The following PVT1 variants were observed in gnomAD, a reference collection of about 807,000 sequenced individuals.
PVT1 encodes Pvt1 oncogene, also known as CXCR4/PVT1 fusion.
intron 2 of PVT1, chr8:127,803,161 T>TGC (rs1409150669): frequency 1.4e-5 from 2 of 143,296 alleles, no homozygotes; most frequent in Non-Finnish European, 3.0e-5. Flanking sequence ...CGGAGTCTCC[T>TGC]TCTGTCGCCC....
intron 2 of PVT1, among the ~76,000 whole-genome samples, chr8:127,861,560 G>GTT (rs11361006): frequency 5.4e-5 from 8 of 149,194 alleles, no homozygotes; most frequent in African/African-American, 2.0e-4. Flanking sequence ...TTTTTGACAT[G>GTT]TTTTTTTTTT....
chr8:127,897,420 G>T (rs577043196), intron 3 of PVT1, among the ~76,000 whole-genome samples: 1 of 152,054 alleles, frequency 6.6e-6, no homozygotes, highest in South Asian at 2.1e-4. Flanking sequence ...AAGGGGCTAT[G>T]TGAGAAGTTT....
chr8:127,912,121 T>A (rs190436309), intron 3 of PVT1, among the ~76,000 whole-genome samples: 30 of 152,326 alleles, frequency 2.0e-4, no homozygotes. Context: ...CCACATGTGA[T>A]AAAGTTCTGT....
At chr8:127,918,343 A>G (rs1816014731) in intron 3 of PVT1, among the ~76,000 whole-genome samples, 1 of 149,086 alleles carries the variant, frequency 6.7e-6, no homozygotes, top group African/African-American at 2.5e-5. Flanking sequence ...GGAGCTTGGT[A>G]TGGCTGGCTA....
chr8:127,888,657 G>A (rs1815556059), intron 2 of PVT1, among the ~76,000 whole-genome samples: 1 of 152,174 alleles, frequency 6.6e-6, no homozygotes, highest in Admixed American at 6.5e-5. Flanking sequence ...TATGGCCACA[G>A]AAGCAGAGTC....
intron 4 of PVT1, among the ~76,000 whole-genome samples, chr8:128,031,333 G>A (rs897582955): frequency 3.3e-5 from 5 of 152,212 alleles, no homozygotes; most frequent in African/African-American, 9.6e-5. Context: ...GAACACAAAA[G>A]CTGCAGAAAG....
At chr8:128,069,112 C>T (rs927192362) in intron 4 of PVT1, among the ~76,000 whole-genome samples, 9 of 152,186 alleles carry the variant, frequency 5.9e-5, no homozygotes, top group African/African-American at 2.2e-4. Flanking sequence ...ACCTTAAGGA[C>T]AGCAGTGACA....
intron 3 of PVT1, among the ~76,000 whole-genome samples, chr8:127,934,226 T>C (rs1328273548): frequency 6.6e-6 from 1 of 152,232 alleles, no homozygotes; most frequent in Non-Finnish European, 1.5e-5. Flanking sequence ...GCAGTTCTTT[T>C]TGGGGGAAGG....
chr8:127,991,203 C>T (rs1335523830), intron 4 of PVT1, among the ~76,000 whole-genome samples: 14 of 141,148 alleles, frequency 9.9e-5, no homozygotes, highest in African/African-American at 2.7e-4. Flanking sequence ...AGTGCAGTGG[C>T]GCAATCTCGG....
chr8:127,921,137 G>A (rs1816051982), intron 3 of PVT1, among the ~76,000 whole-genome samples: 1 of 152,140 alleles, frequency 6.6e-6, no homozygotes, highest in Non-Finnish European at 1.5e-5. Context: ...CAGCTGCAGG[G>A]TTTCCTGGAA....
intron 5 of PVT1, among the ~76,000 whole-genome samples, chr8:128,078,757 A>T (rs1188328084): frequency 6.6e-6 from 1 of 152,246 alleles, no homozygotes; most frequent in Admixed American, 6.5e-5. Context: ...ACTATCAATT[A>T]TCATTATCAA....
Position 127,904,670 on chromosome 8 carries a change from C to A in PVT1, n.782+13672C>A, listed in dbSNP as rs1311293996. 2.6e-5 allele frequency among the ~76,000 whole-genome samples: 4 copies of A among 152,280 alleles called. No homozygotes were observed. In the East Asian group the frequency reaches 7.7e-4, roughly 29 times the overall value. ...AAGTGTTGAGTGTATGGGTCCCTGG[C>A]CAGCTTTGGCAACTGTGAGGCAGGC... On this transcript the variant is annotated intron_variant and non_coding_transcript_variant, in intron 3 of 10. Coordinates refer to ENST00000651587, the Ensembl canonical transcript of PVT1.
At chr8:128,087,747 C>CTTTTT (rs71568675) in intron 5 of PVT1, among the ~76,000 whole-genome samples, 17 of 76,586 alleles carry the variant, frequency 2.2e-4, no homozygotes, top group African/African-American at 4.9e-4. Flanking sequence ...TGATGTGCTA[C>CTTTTT]TTTTTTTTTT....
At chr8:127,867,483 A>G in intron 2 of PVT1, among the ~76,000 whole-genome samples, 1 of 152,212 alleles carries the variant, frequency 6.6e-6, no homozygotes, top group South Asian at 2.1e-4. Context: ...TGGAATAACA[A>G]TGAGCGATGC....
chr8:127,917,857 C>T (rs1249557924), intron 3 of PVT1, among the ~76,000 whole-genome samples: 1 of 152,246 alleles, frequency 6.6e-6, no homozygotes, highest in Non-Finnish European at 1.5e-5. Flanking sequence ...GCCTGTGTTT[C>T]CGACAGGCCA....
intron 5 of PVT1, among the ~76,000 whole-genome samples, chr8:128,094,889 G>A (rs960267352): frequency 6.6e-6 from 1 of 152,172 alleles, no homozygotes; most frequent in Non-Finnish European, 1.5e-5. Flanking sequence ...CTCAGTCTAT[G>A]GGACTGTTGG....
chr8:127,955,622 G>A (rs1039743202), intron 3 of PVT1, among the ~76,000 whole-genome samples: 6 of 148,888 alleles, frequency 4.0e-5, no homozygotes, highest in Admixed American at 2.7e-4. Flanking sequence ...AGTCTCTGTC[G>A]CCCAGGCTGG....
chr8:128,031,814 G>A lies in PVT1; in HGVS notation n.913-38346G>A, dbSNP rs138027058. Among the ~76,000 whole-genome samples the A allele has an allele frequency of 3.2e-3, 482 of 152,306 alleles. 3 individuals carry two copies. The highest frequency in any genetic ancestry group is 0.011 in the African/African-American group (469 of 41,558). ...GAAAATCGAAGCTCAGAGATGTTAA[G>A]TAACTTTCTTAAGATCTCACAGCAC... On this transcript the variant is annotated intron_variant and non_coding_transcript_variant, in intron 4 of 10. Transcript: ENST00000651587.
At chr8:127,894,735 G>C (rs1432289901) in intron 3 of PVT1, among the ~76,000 whole-genome samples, 1 of 152,212 alleles carries the variant, frequency 6.6e-6, no homozygotes, top group African/African-American at 2.4e-5. Context: ...AGTGACATGT[G>C]GACCTAGTCC....
Sources: allele counts gnomAD v4.1 joint callset (sites outside exome capture counted in the v4.1 genomes callset), GRCh38; gene constraint gnomAD v4.1.1; transcripts MANE v1.5; gene names NCBI Gene and HGNC (gene_info 2026-07-23, HGNC 2026-07-21).